The following ANKRD55 variants were observed in gnomAD, a reference collection of about 807,000 sequenced individuals.
The protein encoded by ANKRD55 is ankyrin repeat domain 55.
In ANKRD55, 41 loss-of-function variants were observed where a neutral mutation model predicts 60.6. The observed-to-expected ratio is 0.68, with a 90% CI of 0.53 to 0.88. The LOEUF is 0.88. Ranked by LOEUF, ANKRD55 falls within the 40% of genes least tolerant of loss-of-function variation. ANKRD55 has a pLI of 0.00. For missense variants in ANKRD55, 732 were observed against 767.6 expected, an observed-to-expected ratio of 0.95 and a Z score of 0.55; for synonymous variants, 264 against 290.3, an observed-to-expected ratio of 0.91 and a Z score of 0.92.
chr5:56,214,062 G>T (rs1034507894), intron 2 of ANKRD55, among the ~76,000 whole-genome samples: 4 of 152,192 alleles, frequency 2.6e-5, no homozygotes, highest in African/African-American at 7.2e-5. Context: ...TTGTGCAGGG[G>T]AACTCCCATT....
chr5:56,135,862 T>G (rs543195958), intron 7 of ANKRD55, among the ~76,000 whole-genome samples: 11 of 152,302 alleles, frequency 7.2e-5, no homozygotes, highest in Admixed American at 3.3e-4. Flanking sequence ...TAGCAAGATT[T>G]CAGGATACAG....
chr5:56,116,898 A>G, intron 8 of ANKRD55, 116 bp from the exon 9 acceptor site: 1 of 1,100,782 alleles, frequency 9.1e-7, no homozygotes, highest in Non-Finnish European at 1.3e-6. Context: ...TCTTGTTGCC[A>G]TTTACAGTAT....
intron 2 of ANKRD55, among the ~76,000 whole-genome samples, chr5:56,187,781 A>C (rs933622595): frequency 6.6e-5 from 10 of 152,176 alleles, no homozygotes; most frequent in Non-Finnish European, 1.2e-4. Context: ...TAGAGCTATA[A>C]CACTCACTGC....
At chr5:56,141,990 T>G (rs917846613) in intron 7 of ANKRD55, among the ~76,000 whole-genome samples, 5 of 152,048 alleles carry the variant, frequency 3.3e-5, no homozygotes, top group Admixed American at 3.3e-4. Flanking sequence ...CAGAGTTGAG[T>G]AGGTTGTTCT....
chr5:56,184,986 C>T (rs966516453), intron 2 of ANKRD55, among the ~76,000 whole-genome samples: 1 of 151,582 alleles, frequency 6.6e-6, no homozygotes, highest in Non-Finnish European at 1.5e-5. Context: ...TGTGCGAGGC[C>T]GAGGCGGGCG....
At chr5:56,198,748 A>G (rs1294768970) in intron 2 of ANKRD55, among the ~76,000 whole-genome samples, 1 of 151,558 alleles carries the variant, frequency 6.6e-6, no homozygotes, top group Non-Finnish European at 1.5e-5. Flanking sequence ...GATAGATCCT[A>G]TGCTAAATGT....
At chr5:56,169,105 C>T (rs1378929878) in intron 5 of ANKRD55, among the ~76,000 whole-genome samples, 4 of 152,204 alleles carry the variant, frequency 2.6e-5, no homozygotes. Flanking sequence ...TATCCATCTG[C>T]CTCGGCCTCC....
At chr5:56,175,081 A>C (rs1205172854) in intron 4 of ANKRD55, among the ~76,000 whole-genome samples, 1 of 152,234 alleles carries the variant, frequency 6.6e-6, no homozygotes, top group Admixed American at 6.5e-5. Context: ...CCACAGTTTG[A>C]AAATTTCTTC....
intron 2 of ANKRD55, among the ~76,000 whole-genome samples, chr5:56,215,740 A>C: frequency 6.6e-6 from 1 of 152,188 alleles, no homozygotes; most frequent in Non-Finnish European, 1.5e-5. Context: ...AGATGGACTA[A>C]AAATGGAATC....
intron 2 of ANKRD55, among the ~76,000 whole-genome samples, chr5:56,190,747 A>C (rs1759076154): frequency 6.6e-6 from 1 of 152,196 alleles, no homozygotes; most frequent in Non-Finnish European, 1.5e-5. Context: ...AGAAGCGAGC[A>C]TCTGAGACAG....
intron 2 of ANKRD55, among the ~76,000 whole-genome samples, chr5:56,216,702 T>C (rs926145806): frequency 1.3e-5 from 2 of 152,198 alleles, no homozygotes; most frequent in African/African-American, 4.8e-5. Context: ...AGCCAAAGCC[T>C]AATCCAGAGG....
rs201915693 is a variant in ANKRD55 at position 56,167,825 on chromosome 5, A to G, written c.422+2869T>C. ...GATCCTCAAGAGTCGAGGAGTACTGATAAGCATAATAAGAAATAGAAACAC... is the reference window on the plus strand; with the variant it reads ...GATCCTCAAGAGTCGAGGAGTACTGGTAAGCATAATAAGAAATAGAAACAC... On this transcript the variant is annotated intron_variant, in intron 5 of 11. Coordinates refer to ENST00000341048, the MANE Select transcript of ANKRD55 (RefSeq NM_024669.3). Among the ~76,000 whole-genome samples, 4 of 152,196 alleles carry G rather than the reference A, an allele frequency of 2.6e-5. No individual in the cohort carries two copies. In the East Asian group the frequency reaches 7.7e-4, roughly 29 times the overall value.
At chr5:56,133,747 ATACTT>A (rs1397606138) in intron 7 of ANKRD55, among the ~76,000 whole-genome samples, 3 of 115,066 alleles carry the variant, frequency 2.6e-5, no homozygotes, top group Non-Finnish European at 6.2e-5. Context: ...AATTAAAAAA[ATACTT>A]TGAACAAAAG....
Position 56,139,823 on chromosome 5 carries a change from G to A in ANKRD55, c.612+3978C>T, listed in dbSNP as rs531447568. ...TGTGGTGGCTCATGCCTGTAATCCCGACACTTGGGAGGCCTGGGTGGGAGG... is the reference window on the plus strand; with the variant it reads ...TGTGGTGGCTCATGCCTGTAATCCCAACACTTGGGAGGCCTGGGTGGGAGG... On this transcript the variant is annotated intron_variant, in intron 7 of 11. Transcript: ENST00000341048. 9.2e-5 allele frequency among the ~76,000 whole-genome samples: 14 copies of A among 152,204 alleles called. No homozygotes were observed. In the East Asian group the frequency reaches 1.2e-3, roughly 13 times the overall value.
At chr5:56,157,619 G>T (rs1351208993) in intron 6 of ANKRD55, among the ~76,000 whole-genome samples, 1 of 152,182 alleles carries the variant, frequency 6.6e-6, no homozygotes, top group Non-Finnish European at 1.5e-5. Context: ...TGCTCTTTAA[G>T]GCATTGAGAT....
chr5:56,206,419 G>T (rs1759510659), intron 2 of ANKRD55, among the ~76,000 whole-genome samples: 1 of 152,184 alleles, frequency 6.6e-6, no homozygotes, highest in South Asian at 2.1e-4. Flanking sequence ...TGAAAACACA[G>T]ATAAGAAGAA....
chr5:56,199,005 G>A (rs1295442035), intron 2 of ANKRD55, among the ~76,000 whole-genome samples: 2 of 152,198 alleles, frequency 1.3e-5, no homozygotes, highest in South Asian at 2.1e-4. Context: ...GTGTGAAGCC[G>A]GGTGGCAGAG....
At chr5:56,220,169 T>A (rs997113593) in intron 2 of ANKRD55, among the ~76,000 whole-genome samples, 2 of 152,252 alleles carry the variant, frequency 1.3e-5, no homozygotes, top group African/African-American at 4.8e-5. Flanking sequence ...CCTCTTGGGA[T>A]GCATACTCTG....
At chr5:56,188,475 C>T (rs1759024417) in intron 2 of ANKRD55, among the ~76,000 whole-genome samples, 1 of 152,040 alleles carries the variant, frequency 6.6e-6, no homozygotes, top group African/African-American at 2.4e-5. Context: ...ATCTTTAATC[C>T]ATTTTGATTT....
Sources: allele counts gnomAD v4.1 joint callset (sites outside exome capture counted in the v4.1 genomes callset), GRCh38; gene constraint gnomAD v4.1.1; transcripts MANE v1.5; gene names NCBI Gene and HGNC (gene_info 2026-07-23, HGNC 2026-07-21).